The following ABCA8 variants were observed in gnomAD, a reference collection of about 807,000 sequenced individuals.
The protein encoded by ABCA8 is ATP binding cassette subfamily A member 8.
ABCA8 carries 177 observed loss-of-function variants against 192.3 expected under a neutral mutation model. That is an observed-to-expected ratio of 0.92 (90% CI 0.81 to 1.04). The LOEUF (loss-of-function observed/expected upper bound fraction) is 1.04. ABCA8 is among the 50% of genes least tolerant of loss of function. The pLI, the probability that ABCA8 is intolerant of heterozygous loss-of-function variation, is 0.00. For synonymous variants in ABCA8, 642 were observed against 690.2 expected (o/e 0.93, Z 1.09); for missense variants, 1,915 against 1,904.8 (o/e 1.01, Z -0.10).
Position 68,877,587 on chromosome 17 carries a change from C to T in ABCA8, c.4131G>A (p.Arg1377=). The change falls in exon 33 of 40, where the codon AGG becomes AGA. Residue 1377 remains arginine (R), a synonymous_variant. Transcript: ENST00000586539. ...ENALWPNLTV[R]QHLEVYAAVK... ...CGGCGGCGTACACCTCCAGGTGCTGCCTCACTGTCAGGTTGGGCCACAGCG... is the reference window on the plus strand; with the variant it reads ...CGGCGGCGTACACCTCCAGGTGCTGTCTCACTGTCAGGTTGGGCCACAGCG... 1 of 1,614,118 alleles carries T rather than the reference C, an allele frequency of 6.2e-7. No homozygotes were observed. Among genetic ancestry groups the T allele is most frequent in the Non-Finnish European group, 8.5e-7 (1 of 1,179,998 alleles).
chr17:68,929,800 C>T lies in ABCA8; in HGVS notation c.798-98G>A, dbSNP rs2067808423. The T allele has an allele frequency of 5.6e-6, 6 of 1,076,252 alleles. No homozygotes were observed. The East Asian group carries it at 1.6e-4, about 28-fold the overall frequency. The allele number at this position is 1,076,252 out of a possible 1,614,324, so 66.7% of individuals were successfully genotyped here. On this transcript the variant is annotated intron_variant, in intron 7 of 39. Coordinates refer to ENST00000586539, the MANE Select transcript of ABCA8 (RefSeq NM_001288985.2). Reference sequence around the variant, plus strand: ...GATAACTCTTCATTCACTTATTCATCCATTCATTCTCTCTTTCAACATTTA... The same window carrying T: ...GATAACTCTTCATTCACTTATTCATTCATTCATTCTCTCTTTCAACATTTA...
At position 68,891,696 on chromosome 17, in the gene ABCA8, C is replaced by T; in HGVS notation, c.3037-100G>A. The T allele has an allele frequency of 4.9e-6, 4 of 811,134 alleles. No homozygotes were observed. The Admixed American group carries it at 1.1e-4, about 22-fold the overall frequency. The allele number at this position is 811,134 out of a possible 1,614,324, so 50.2% of individuals were successfully genotyped here. ...TTTAGACTAAGTTTACATAATTCTG[C>T]CTTAGGTCCCTTTTGAGATTCCCAG... On this transcript the variant is annotated intron_variant, in intron 23 of 39. Coordinates refer to ENST00000586539, the MANE Select transcript of ABCA8 (RefSeq NM_001288985.2).
intron 24 of ABCA8, among the ~76,000 whole-genome samples, chr17:68,887,752 G>C (rs565167198): frequency 6.6e-6 from 1 of 151,464 alleles, no homozygotes; most frequent in East Asian, 1.9e-4. Context: ...ATCAAAGCAT[G>C]AACACTGCAG....
chr17:68,903,385 A>AC lies in ABCA8; in HGVS notation c.2512dup (p.Val838GlyfsTer22), dbSNP rs769101330. On this transcript the variant is annotated frameshift_variant, in exon 20 of 40. Transcript: ENST00000586539. LOFTEE classifies it high-confidence loss of function. ...GCAGATTTGCTGTCGCCAGAGAGCCACACCACCTATTGTCTTTCTCATCTT... is the reference window on the plus strand; with the variant it reads ...GCAGATTTGCTGTCGCCAGAGAGCCACCACCACCTATTGTCTTTCTCATCTT... The AC allele has an allele frequency of 7.4e-6, 12 of 1,614,232 alleles. No individual in the cohort carries two copies. In the African/African-American group the frequency reaches 1.6e-4, roughly 22 times the overall value.
At chr17:68,898,828 A>G (rs906548872) in intron 21 of ABCA8, among the ~76,000 whole-genome samples, 1 of 152,072 alleles carries the variant, frequency 6.6e-6, no homozygotes, top group African/African-American at 2.4e-5. Context: ...CTTTCCTCTG[A>G]TATAGCTGTA....
intron 21 of ABCA8, among the ~76,000 whole-genome samples, chr17:68,897,440 G>A (rs1408391779): frequency 2.6e-5 from 4 of 152,128 alleles, no homozygotes; most frequent in African/African-American, 7.2e-5. Context: ...CCAAAATTAT[G>A]AGACATGCTA....
At chr17:68,893,261 G>T (rs1222449709) in intron 23 of ABCA8, among the ~76,000 whole-genome samples, 2 of 152,036 alleles carry the variant, frequency 1.3e-5, no homozygotes, top group Non-Finnish European at 2.9e-5. Flanking sequence ...TCTCTGAAAG[G>T]GAGAAATGTA....
chr17:68,894,941 G>A lies in ABCA8; in HGVS notation c.2837C>T (p.Thr946Ile). The A allele has an allele frequency of 6.2e-7, 1 of 1,613,666 alleles. No homozygotes were observed. The highest frequency in any genetic ancestry group is 8.5e-7 in the Non-Finnish European group (1 of 1,179,788). Reference sequence around the variant, plus strand: ...AGATGGGTCATCTGTGCCATTTCTAGTTCCAAATGCATCCACTTCTAAAGC... The same window carrying A: ...AGATGGGTCATCTGTGCCATTTCTAATTCCAAATGCATCCACTTCTAAAGC... ...NIALEVDAFG[T>I]RNGTDDPSYN... Residue 946 changes from threonine to isoleucine, a missense_variant, in exon 22 of 40, where the codon ACT becomes ATT. Transcript: ENST00000586539.
At chr17:68,922,332 A>T (rs752671529) in intron 11 of ABCA8, 32 bp from the exon 12 acceptor site, 10 of 1,306,484 alleles carry the variant, frequency 7.7e-6, no homozygotes, top group Middle Eastern at 1.9e-4. Flanking sequence ...TCAAAGTGAC[A>T]ATTTTCTTCA....
At chr17:68,917,955 C>T (rs1370537935) in intron 16 of ABCA8, 92 bp downstream of exon 16, 7 of 1,461,636 alleles carry the variant, frequency 4.8e-6, no homozygotes, top group Non-Finnish European at 5.5e-6. Context: ...GCTAGATTAC[C>T]GAATTACAAA....
rs1322343805 is a variant in ABCA8, at chr17:68,945,811, G to A, written c.-6+3501C>T. ...TTTGTATTTATGTTTGTGTGTATAT[G>A]TGTGTGTGTGCGCATATGTATATAT... On this transcript the variant is annotated intron_variant, in intron 2 of 39. Transcript: ENST00000586539. Among the ~76,000 whole-genome samples, 4 of 151,808 alleles carry A rather than the reference G, an allele frequency of 2.6e-5. No individual in the cohort carries two copies. In the East Asian group the frequency reaches 7.7e-4, roughly 29 times the overall value.
chr17:68,924,986 C>T (rs2067657870), intron 10 of ABCA8, 117 bp from the exon 11 acceptor site: 4 of 1,028,630 alleles, frequency 3.9e-6, no homozygotes, highest in Non-Finnish European at 5.6e-6. Context: ...ATGTGGTCAA[C>T]AGCAGGTAAT....
intron 21 of ABCA8, among the ~76,000 whole-genome samples, chr17:68,896,384 C>A (rs1045919403): frequency 6.6e-6 from 1 of 152,196 alleles, no homozygotes; most frequent in East Asian, 1.9e-4. Flanking sequence ...GCTCCCTTAT[C>A]CATGGTTTCA....
chr17:68,902,344 G>A (rs2066937340), intron 21 of ABCA8, among the ~76,000 whole-genome samples: 1 of 152,200 alleles, frequency 6.6e-6, no homozygotes, highest in Non-Finnish European at 1.5e-5. Flanking sequence ...ATGGGGTGAT[G>A]AAAATATTCT....
intron 11 of ABCA8, among the ~76,000 whole-genome samples, chr17:68,923,874 A>T (rs2067615705): frequency 6.6e-6 from 1 of 152,076 alleles, no homozygotes; most frequent in Non-Finnish European, 1.5e-5. Flanking sequence ...TCATATCTAG[A>T]AATAAAAGTC....
At chr17:68,936,664 A>T (rs2068075657) in intron 5 of ABCA8, among the ~76,000 whole-genome samples, 1 of 152,124 alleles carries the variant, frequency 6.6e-6, no homozygotes, top group Admixed American at 6.5e-5. Context: ...TTCTTTTAAC[A>T]ATCATATATT....
chr17:68,876,251 T>C, intron 35 of ABCA8: 1 of 628,904 alleles, frequency 1.6e-6, no homozygotes. Flanking sequence ...GCCCTAACAA[T>C]GGTAATTCTT....
intron 24 of ABCA8, among the ~76,000 whole-genome samples, chr17:68,887,925 T>TGGATATA: frequency 2.0e-5 from 2 of 101,028 alleles, no homozygotes; most frequent in Non-Finnish European, 3.8e-5. Context: ...TATATATATA[T>TGGATATA]TATATATGGA....
At chr17:68,900,125 A>C (rs1354830479) in intron 21 of ABCA8, among the ~76,000 whole-genome samples, 1 of 152,226 alleles carries the variant, frequency 6.6e-6, no homozygotes, top group East Asian at 1.9e-4. Context: ...TGAGTGACAT[A>C]GACAATAGAA....
Sources: gnomAD v4.1 joint callset for allele counts (sites outside exome capture counted in the v4.1 genomes callset) on GRCh38, gnomAD v4.1.1 for gene constraint, MANE v1.5 for transcripts, NCBI Gene and HGNC (gene_info 2026-07-23, HGNC 2026-07-21) for gene names.